GNAQ: variants seen among roughly 807,000 people sequenced by gnomAD.
GNAQ encodes the protein guanine nucleotide-binding protein G(q) subunit alpha.
In GNAQ, 8 loss-of-function variants were observed where a neutral mutation model predicts 43.9. The observed-to-expected ratio is 0.18, with a 90% CI of 0.11 to 0.33. GNAQ has a LOEUF of 0.33. Ranked by LOEUF, GNAQ falls within the 10% of genes least tolerant of loss-of-function variation. The pLI is 1.00. For synonymous variants in GNAQ, 155 were observed against 170.7 expected (o/e 0.91, Z 0.71); for missense variants, 158 against 450.8 (o/e 0.35, Z 5.88).
intron 5 of GNAQ, among the ~76,000 whole-genome samples, chr9:77,778,210 C>G (rs1263447388): frequency 1.1e-5 from 1 of 94,624 alleles, no homozygotes; most frequent in African/African-American, 3.3e-5. Context: ...TAGTTTTACA[C>G]GTTTACACAC....
At chr9:77,722,377 T>C (rs1490430264) in intron 6 of GNAQ, among the ~76,000 whole-genome samples, 1 of 152,128 alleles carries the variant, frequency 6.6e-6, no homozygotes, top group Non-Finnish European at 1.5e-5. Context: ...TCTCAGGTGA[T>C]CCACCCGCCT....
intron 5 of GNAQ, among the ~76,000 whole-genome samples, chr9:77,763,565 C>A (rs938156038): frequency 4.6e-5 from 7 of 152,186 alleles, no homozygotes; most frequent in East Asian, 3.8e-4. Context: ...TTGCTAACTG[C>A]TGTACTTTTC....
intron 1 of GNAQ, among the ~76,000 whole-genome samples, chr9:77,971,488 T>C (rs1347914854): frequency 6.6e-6 from 1 of 152,142 alleles, no homozygotes; most frequent in Non-Finnish European, 1.5e-5. Context: ...CGCAAATCAA[T>C]AAACGTAATC....
intron 1 of GNAQ, among the ~76,000 whole-genome samples, chr9:78,024,539 C>T (rs1257787006): frequency 1.3e-5 from 2 of 152,138 alleles, no homozygotes; most frequent in Admixed American, 6.5e-5. Context: ...CATCCGCATT[C>T]CCCAGTCCTG....
At chr9:77,868,404 A>G (rs1827981648) in intron 2 of GNAQ, among the ~76,000 whole-genome samples, 1 of 152,250 alleles carries the variant, frequency 6.6e-6, no homozygotes, top group Non-Finnish European at 1.5e-5. Flanking sequence ...GGTTTGATTA[A>G]TGGACTTACC....
intron 1 of GNAQ, among the ~76,000 whole-genome samples, chr9:78,027,896 G>C (rs777901861): frequency 6.6e-6 from 1 of 151,960 alleles, no homozygotes; most frequent in African/African-American, 2.4e-5. Context: ...AATAAGAACA[G>C]GTTAACAGGA....
intron 1 of GNAQ, among the ~76,000 whole-genome samples, chr9:77,948,461 A>C (rs920230797): frequency 1.3e-5 from 2 of 152,146 alleles, no homozygotes; most frequent in African/African-American, 4.8e-5. Flanking sequence ...ACTACTCAGA[A>C]AGCGGGGGAC....
At chr9:77,751,720 C>T (rs1825814565) in intron 5 of GNAQ, among the ~76,000 whole-genome samples, 1 of 152,090 alleles carries the variant, frequency 6.6e-6, no homozygotes, top group African/African-American at 2.4e-5. Context: ...CCTTCCACTT[C>T]CTGTAATTTC....
chr9:77,761,839 G>A (rs1182038605), intron 5 of GNAQ, among the ~76,000 whole-genome samples: 30 of 58,474 alleles, frequency 5.1e-4, no homozygotes, highest in Non-Finnish European at 8.7e-4. Context: ...GCCCCGTCCG[G>A]GAGGGAGGTG....
At chr9:77,883,647 C>A (rs1005533025) in intron 2 of GNAQ, among the ~76,000 whole-genome samples, 1 of 151,740 alleles carries the variant, frequency 6.6e-6, no homozygotes, top group Non-Finnish European at 1.5e-5. Flanking sequence ...GCCCCCGCCC[C>A]CACTCTCCTC....
chr9:77,766,390 G>A (rs1446349652), intron 5 of GNAQ, among the ~76,000 whole-genome samples: 2 of 152,146 alleles, frequency 1.3e-5, no homozygotes, highest in Admixed American at 1.3e-4. Flanking sequence ...ATTAGAAAGT[G>A]AATTGTTCTT....
At chr9:78,006,563 ATCAT>A (rs1334488652) in intron 1 of GNAQ, among the ~76,000 whole-genome samples, 4 of 152,248 alleles carry the variant, frequency 2.6e-5, no homozygotes, top group Non-Finnish European at 5.9e-5. Context: ...CTTTCCAAGC[ATCAT>A]TCAAACTAGG....
At chr9:77,765,161 T>A (rs776019308) in intron 5 of GNAQ, among the ~76,000 whole-genome samples, 23 of 149,640 alleles carry the variant, frequency 1.5e-4, no homozygotes, top group Non-Finnish European at 2.1e-4. Flanking sequence ...AGAACTTATT[T>A]AAAAAAAAAA....
chr9:77,970,232 A>AC lies in GNAQ; in HGVS notation c.137-47888_137-47887insG, dbSNP rs1484312585. 6.8e-3 allele frequency among the ~76,000 whole-genome samples: 1,019 copies of AC among 149,398 alleles called. 15 individuals are homozygous for AC. The highest frequency in any genetic ancestry group is 0.023 in the African/African-American group (914 of 40,364). The stretch of plus-strand genomic sequence containing the variant: ...AAGACTCCATCTCCACAAAAAAAAA[A>AC]AAACAAACAAACAAACAAAAAAAAC... On this transcript the variant is annotated intron_variant, in intron 1 of 6. Coordinates refer to ENST00000286548, the MANE Select transcript of GNAQ (RefSeq NM_002072.5).
chr9:77,729,707 C>T lies in GNAQ; in HGVS notation c.736-1040G>A, dbSNP rs76925739. On this transcript the variant is annotated intron_variant, in intron 5 of 6. Coordinates refer to ENST00000286548, the MANE Select transcript of GNAQ (RefSeq NM_002072.5). ...CATGCTTCATCCTGCACACACTTTC[C>T]AACCTCCCTTCTTAGTTCTCCATGT... Among the ~76,000 whole-genome samples, 731 of 152,278 alleles carry T rather than the reference C, an allele frequency of 4.8e-3. 6 individuals carry two copies. The highest frequency in any genetic ancestry group is 0.017 in the African/African-American group (696 of 41,560).
intron 2 of GNAQ, among the ~76,000 whole-genome samples, chr9:77,842,328 C>T (rs1827505198): frequency 1.3e-5 from 2 of 152,188 alleles, no homozygotes; most frequent in South Asian, 4.1e-4. Context: ...ACCAGGCTCC[C>T]TCTTTACGGT....
chr9:77,807,500 T>A (rs114236867), intron 3 of GNAQ, among the ~76,000 whole-genome samples: 2,157 of 152,318 alleles, frequency 0.014, 46 homozygotes, highest in African/African-American at 0.049. Context: ...TTTCTGGTCA[T>A]TCATGCCATT....
chr9:77,779,417 G>C (rs1453391702), intron 5 of GNAQ, among the ~76,000 whole-genome samples: 1 of 151,812 alleles, frequency 6.6e-6, no homozygotes, highest in Middle Eastern at 3.2e-3. Flanking sequence ...TCCATGCTTA[G>C]AGACAAATTT....
At position 77,970,248 on chromosome 9, in the gene GNAQ, C is replaced by CA. The variant is rs149258957; in HGVS notation, c.137-47904dup. ...AAAAAAAAAAAAACAAACAAACAAA[C>CA]AAAAAAAACTGACTGAGTCACAAAC... On this transcript the variant is annotated intron_variant, in intron 1 of 6. Coordinates refer to ENST00000286548, the MANE Select transcript of GNAQ (RefSeq NM_002072.5). Among the ~76,000 whole-genome samples the CA allele has an allele frequency of 5.3e-5, 8 of 151,328 alleles. No individual in the cohort carries two copies. In the South Asian group the frequency reaches 1.5e-3, roughly 28 times the overall value.
Sources: gnomAD v4.1 joint callset for allele counts (sites outside exome capture counted in the v4.1 genomes callset) on GRCh38, gnomAD v4.1.1 for gene constraint, MANE v1.5 for transcripts, NCBI Gene and HGNC (gene_info 2026-07-23, HGNC 2026-07-21) for gene names.